PTPRD: variants seen among roughly 807,000 people sequenced by gnomAD.
PTPRD encodes the protein receptor-type tyrosine-protein phosphatase delta.
Under a neutral mutation model 214.5 loss-of-function variants are expected in PTPRD, and 34 were observed. The observed-to-expected ratio is 0.16, with a 90% CI of 0.12 to 0.21. The LOEUF is 0.21. Among genes scored for constraint, PTPRD ranks in the 10% least tolerant of loss-of-function variants. The pLI is 1.00. For synonymous variants in PTPRD, 1,128 were observed against 845.7 expected (o/e 1.33, Z -5.79); for missense variants, 2,545 against 2,398.7 (o/e 1.06, Z -1.27).
rs373313702 is a variant in PTPRD, at chr9:9,976,515, T to C, written c.-471-37905A>G. On this transcript the variant is annotated intron_variant, in intron 4 of 45. Transcript: ENST00000381196. ...GATTCTTACACCTTAGCCTCCCAAGTAGCTGGGATTACAGGTATGTGCCAC... is the reference window on the plus strand; with the variant it reads ...GATTCTTACACCTTAGCCTCCCAAGCAGCTGGGATTACAGGTATGTGCCAC... 1.8e-3 allele frequency among the ~76,000 whole-genome samples: 279 copies of C among 151,554 alleles called. 1 individual carries two copies. Among genetic ancestry groups the C allele is most frequent in the African/African-American group, 6.5e-3 (268 of 41,238 alleles).
chr9:8,858,830 T>TACACACAC, intron 11 of PTPRD, among the ~76,000 whole-genome samples: 1 of 67,258 alleles, frequency 1.5e-5, no homozygotes, highest in Non-Finnish European at 3.5e-5. Flanking sequence ...CACACACACA[T>TACACACAC]ACACACACAC....
chr9:9,058,744 C>T (rs1238462641), intron 10 of PTPRD, among the ~76,000 whole-genome samples: 1 of 151,748 alleles, frequency 6.6e-6, no homozygotes, highest in South Asian at 2.1e-4. Flanking sequence ...CCACCGCGCC[C>T]GGCCGAGGGT....
At chr9:8,682,976 G>A (rs1351184101) in intron 12 of PTPRD, among the ~76,000 whole-genome samples, 1 of 152,136 alleles carries the variant, frequency 6.6e-6, no homozygotes, top group East Asian at 1.9e-4. Flanking sequence ...CAAAAAAAGT[G>A]TCTAAAGGCT....
intron 3 of PTPRD, among the ~76,000 whole-genome samples, chr9:10,096,474 T>C (rs2098485813): frequency 6.6e-6 from 1 of 152,042 alleles, no homozygotes; most frequent in South Asian, 2.1e-4. Flanking sequence ...TTGATTTGCA[T>C]TTCTCTGATG....
At chr9:10,497,548 G>A (rs1039650147) in intron 2 of PTPRD, among the ~76,000 whole-genome samples, 19 of 151,992 alleles carry the variant, frequency 1.3e-4, no homozygotes, top group East Asian at 7.7e-4. Context: ...TTTTATTTGC[G>A]CATTTAAAAG....
intron 5 of PTPRD, among the ~76,000 whole-genome samples, chr9:9,821,923 A>G (rs889317751): frequency 6.7e-6 from 1 of 148,858 alleles, no homozygotes; most frequent in Non-Finnish European, 1.5e-5. Context: ...TGACATATAT[A>G]TTTATAATAT....
chr9:8,494,709 G>C (rs2097222354), intron 26 of PTPRD, among the ~76,000 whole-genome samples: 1 of 152,148 alleles, frequency 6.6e-6, no homozygotes, highest in African/African-American at 2.4e-5. Flanking sequence ...CCATTATCTT[G>C]CCCAGGTTGT....
intron 5 of PTPRD, among the ~76,000 whole-genome samples, chr9:9,789,148 A>T (rs569828274): frequency 2.0e-5 from 3 of 152,286 alleles, no homozygotes; most frequent in East Asian, 3.9e-4. Context: ...CTTTGAGTTG[A>T]TATTTATATT....
intron 14 of PTPRD, among the ~76,000 whole-genome samples, chr9:8,546,935 G>C (rs1826116007): frequency 6.6e-6 from 1 of 152,222 alleles, no homozygotes; most frequent in African/African-American, 2.4e-5. Context: ...ATTTAGCAAA[G>C]GCACAGAAGT....
chr9:10,223,690 A>ATAATAATAG lies in PTPRD; in HGVS notation c.-545+117272_-545+117273insCTATTATTA, dbSNP rs1554887050. ...GTCTCAAATAATAATAATAATAATAATAATAATAATAATAATAATAATAAA... is the reference window on the plus strand; with the variant it reads ...GTCTCAAATAATAATAATAATAATAATAATAATAGTAATAATAATAATAATAATAATAAA... On this transcript the variant is annotated intron_variant, in intron 3 of 45. Transcript: ENST00000381196. Among the ~76,000 whole-genome samples the ATAATAATAG allele has an allele frequency of 7.6e-3, 1,119 of 146,318 alleles. 16 individuals carry two copies. The highest frequency in any genetic ancestry group is 0.026 in the African/African-American group (1,034 of 40,346).
intron 5 of PTPRD, among the ~76,000 whole-genome samples, chr9:9,836,152 T>C (rs1458543906): frequency 6.6e-6 from 1 of 152,124 alleles, no homozygotes; most frequent in African/African-American, 2.4e-5. Flanking sequence ...AATGGGAATA[T>C]CAAGAGTCCA....
intron 11 of PTPRD, among the ~76,000 whole-genome samples, chr9:8,996,976 G>C (rs1384229810): frequency 6.6e-6 from 1 of 151,996 alleles, no homozygotes; most frequent in Non-Finnish European, 1.5e-5. Flanking sequence ...TATATTTTAT[G>C]TATGTAACTT....
intron 11 of PTPRD, among the ~76,000 whole-genome samples, chr9:8,889,002 T>A (rs1476699567): frequency 1.3e-5 from 2 of 152,218 alleles, no homozygotes; most frequent in Non-Finnish European, 2.9e-5. Context: ...TGTAAAATAT[T>A]TATTTGTTGC....
At chr9:9,480,657 T>C (rs1263367498) in intron 8 of PTPRD, among the ~76,000 whole-genome samples, 1 of 152,140 alleles carries the variant, frequency 6.6e-6, no homozygotes, top group African/African-American at 2.4e-5. Flanking sequence ...ATACATGATA[T>C]GTAGTACGTA....
chr9:9,219,773 C>T (rs1593860547), intron 9 of PTPRD, among the ~76,000 whole-genome samples: 1 of 151,566 alleles, frequency 6.6e-6, no homozygotes, highest in Non-Finnish European at 1.5e-5. Flanking sequence ...CTAACCTCCA[C>T]CCTGAGAGTT....
intron 7 of PTPRD, among the ~76,000 whole-genome samples, chr9:9,679,191 CA>C: frequency 6.6e-6 from 1 of 150,686 alleles, no homozygotes; most frequent in Non-Finnish European, 1.5e-5. Flanking sequence ...AAAGATAGCA[CA>C]AACGTGCCTT....
chr9:9,144,514 G>A lies in PTPRD; in HGVS notation c.-143+38790C>T, dbSNP rs181641554. 8.5e-5 allele frequency among the ~76,000 whole-genome samples: 13 copies of A among 152,262 alleles called. No homozygotes were observed. The East Asian group carries it at 2.5e-3, about 29-fold the overall frequency. On this transcript the variant is annotated intron_variant, in intron 10 of 45. Transcript: ENST00000381196. ...CATGCCTGTAATCCTAGTGCTTTGG[G>A]AGGCTGAGGCGGGTGGATCACGAGG...
chr9:8,471,521 G>C (rs1366318453), intron 30 of PTPRD, among the ~76,000 whole-genome samples: 1 of 152,070 alleles, frequency 6.6e-6, no homozygotes, highest in Non-Finnish European at 1.5e-5. Flanking sequence ...TAAATACCTA[G>C]TAGTGCTGTT....
At position 9,136,990 on chromosome 9, in the gene PTPRD, T is replaced by C. The variant is rs569117952; in HGVS notation, c.-143+46314A>G. 5.3e-5 allele frequency among the ~76,000 whole-genome samples: 8 copies of C among 152,290 alleles called. No individual in the cohort carries two copies. The East Asian group carries it at 9.6e-4, about 18-fold the overall frequency. ...CAGTGCAGTGAGAGAAAGGTGATGT[T>C]TTCTTCTTGTTTATTATTTGGTCTT... is the stretch of plus-strand genomic sequence containing the variant. On this transcript the variant is annotated intron_variant, in intron 10 of 45. Transcript: ENST00000381196.
Sources: gnomAD v4.1 joint callset for allele counts (sites outside exome capture counted in the v4.1 genomes callset) on GRCh38, gnomAD v4.1.1 for gene constraint, MANE v1.5 for transcripts, NCBI Gene and HGNC (gene_info 2026-07-23, HGNC 2026-07-21) for gene names.